The following RIIAD1 variants were observed in gnomAD, a reference collection of about 807,000 sequenced individuals.
RIIAD1 encodes regulatory subunit of type II PKA R-subunit domain containing 1.
A neutral mutation model predicts 13.3 loss-of-function variants in RIIAD1; 15 were observed. The observed-to-expected ratio is 1.13, with a 90% CI of 0.76 to 1.74. The LOEUF (loss-of-function observed/expected upper bound fraction) is 1.74. Among genes scored for constraint, RIIAD1 ranks in the 40% most tolerant of loss-of-function variants. RIIAD1 has a pLI of 0.00. For synonymous variants in RIIAD1, 50 were observed against 43.3 expected (o/e 1.16, Z -0.61); for missense variants, 121 against 112.2 (o/e 1.08, Z -0.35).
At chr1:151,722,465 A>G (rs1673755270) in intron 2 of RIIAD1, among the ~76,000 whole-genome samples, 1 of 152,198 alleles carries the variant, frequency 6.6e-6, no homozygotes, top group Non-Finnish European at 1.5e-5. Context: ...ATTACTGTAG[A>G]AAAATTCCAA....
intron 2 of RIIAD1, chr1:151,713,438 C>T (rs921089832): frequency 6.6e-6 from 1 of 152,262 alleles, no homozygotes; most frequent in Non-Finnish European, 1.5e-5. Flanking sequence ...CTTTATCTAC[C>T]TTTTCCTCTG....
upstream of RIIAD1, among the ~76,000 whole-genome samples, chr1:151,720,958 C>T (rs1395902230): frequency 6.6e-6 from 1 of 152,158 alleles, no homozygotes; most frequent in East Asian, 1.9e-4. Context: ...TTAATCTACA[C>T]AAAAAAGTCA....
At chr1:151,717,372 A>G (rs942736474), upstream of RIIAD1, among the ~76,000 whole-genome samples, 1 of 152,240 alleles carries the variant, frequency 6.6e-6, no homozygotes, top group African/African-American at 2.4e-5. Context: ...ATGCAGAAAG[A>G]GAACTGTATA....
chr1:151,715,492 G>T (rs1299533143), intron 4 of RIIAD1: 2 of 640,466 alleles, frequency 3.1e-6, no homozygotes, highest in South Asian at 3.0e-5. Flanking sequence ...ATTATCTGAG[G>T]CTGCTCAGAT....
chr1:151,728,807 C>T lies in RIIAD1; in HGVS notation c.250C>T (p.Gln84Ter). The T allele has an allele frequency of 1.3e-6, 2 of 1,545,666 alleles. No homozygotes were observed. Among genetic ancestry groups the T allele is most frequent in the East Asian group, 2.4e-5 (1 of 40,888 alleles). Residue 84 changes from glutamine to a stop codon, truncating the protein, a stop_gained, in exon 4 of 5, where the codon CAG (glutamine) becomes TAG (stop). Transcript: ENST00000479191. LOFTEE classifies it high-confidence loss of function. ...DPRLPNKIHM[Q>*]LIKDKKAA ...AAGACTTCCCAACAAGATTCACATG[C>T]AGCTAATTAAAGACAAGAAAGCGGC...
intron 2 of RIIAD1, among the ~76,000 whole-genome samples, chr1:151,712,975 A>G (rs1394130664): frequency 1.3e-5 from 2 of 151,994 alleles, no homozygotes; most frequent in Non-Finnish European, 2.9e-5. Context: ...CTGAGGGGAG[A>G]ATGCAGGTAG....
In RIIAD1 at chr1:151,728,825, A is replaced by C. The variant is rs1260821067; in HGVS notation, c.268A>C (p.Lys90Gln). The C allele has an allele frequency of 6.5e-7, 1 of 1,539,152 alleles. No individual in the cohort carries two copies. The change falls in exon 4 of 5, where the codon AAA becomes CAA. Residue 90 changes from lysine (K) to glutamine (Q), a missense_variant. Lys to Gln is a moderately conservative substitution (Grantham distance 53). Coordinates refer to ENST00000479191, the MANE Select transcript of RIIAD1 (RefSeq NM_001144956.3). ...TCACATGCAGCTAATTAAAGACAAGAAAGCGGCTTAATTAGCAAAATCATG... is the reference window on the plus strand; with the variant it reads ...TCACATGCAGCTAATTAAAGACAAGCAAGCGGCTTAATTAGCAAAATCATG... ...KIHMQLIKDK[K>Q]AA
At chr1:151,720,007 A>G (rs6683687), upstream of RIIAD1, among the ~76,000 whole-genome samples, 59,473 of 152,122 alleles carry the variant, frequency 0.39, 13,224 homozygotes, top group Non-Finnish European at 0.52. Context: ...GTAGCCATAT[A>G]TAAAAGCAAA....
chr1:151,725,391 C>A (rs758319297), intron 2 of RIIAD1, among the ~76,000 whole-genome samples: 7 of 152,146 alleles, frequency 4.6e-5, no homozygotes, highest in Non-Finnish European at 1.0e-4. Flanking sequence ...ATTACAAATA[C>A]AGCAGTAATC....
Position 151,728,803 on chromosome 1 carries a change from C to A in RIIAD1, c.246C>A (p.His82Gln). 6.5e-7 allele frequency: 1 copy of A among 1,546,052 alleles called. No homozygotes were observed. The highest frequency in any genetic ancestry group is 8.8e-7 in the Non-Finnish European group (1 of 1,142,002). ...FTDPRLPNKIHMQLIKDKKAA is the reference protein window; with the variant it reads ...FTDPRLPNKIQMQLIKDKKAA ...ATCCAAGACTTCCCAACAAGATTCACATGCAGCTAATTAAAGACAAGAAAG... is the reference window on the plus strand; with the variant it reads ...ATCCAAGACTTCCCAACAAGATTCAAATGCAGCTAATTAAAGACAAGAAAG... Residue 82 changes from histidine (H) to glutamine (Q), a missense_variant, in exon 4 of 5, where the codon CAC (histidine) becomes CAA (glutamine). His to Gln is a conservative substitution (Grantham distance 24, BLOSUM62 0). Transcript: ENST00000479191.
At chr1:151,716,834 A>G, upstream of RIIAD1, 1 of 245,028 alleles carries the variant, frequency 4.1e-6, no homozygotes, top group Non-Finnish European at 8.8e-6. Context: ...CCCCACTCCC[A>G]CCTCCTTTCC....
intron 1 of RIIAD1, 91 bp from the exon 2 acceptor site, chr1:151,721,995 C>A: frequency 1.1e-6 from 1 of 873,778 alleles, no homozygotes; most frequent in Non-Finnish European, 1.9e-6. Flanking sequence ...GGGTTAAATG[C>A]GCACGCCGTT....
chr1:151,722,444 T>C (rs1421978856), intron 2 of RIIAD1, among the ~76,000 whole-genome samples: 1 of 152,204 alleles, frequency 6.6e-6, no homozygotes, highest in Non-Finnish European at 1.5e-5. Context: ...GGCCCTTCCC[T>C]ACTTGAAAAC....
exon 4 of RIIAD1, chr1:151,714,485 T>C (rs760164494): frequency 1.3e-6 from 1 of 792,444 alleles, no homozygotes; most frequent in South Asian, 1.5e-5. Context: ...GGGGACTTCC[T>C]GGTGATGAGA....
At chr1:151,716,803 C>T (rs1673511402), upstream of RIIAD1, 1 of 466,894 alleles carries the variant, frequency 2.1e-6, no homozygotes, top group Non-Finnish European at 4.4e-6. Context: ...CAACAAAAAC[C>T]TCCCCCCTCC....
upstream of RIIAD1, among the ~76,000 whole-genome samples, chr1:151,721,117 C>T (rs532270682): frequency 1.3e-5 from 2 of 152,054 alleles, no homozygotes; most frequent in Non-Finnish European, 2.9e-5. Flanking sequence ...GCTCCAGTGT[C>T]GAATGTGTAC....
intron 4 of RIIAD1, chr1:151,714,822 G>T: frequency 1.6e-6 from 1 of 643,908 alleles, no homozygotes; most frequent in Non-Finnish European, 2.7e-6. Flanking sequence ...GTGTCTCCAA[G>T]GGGTAGACTC....
chr1:151,729,296 C>T (rs1487446075), intron 4 of RIIAD1, among the ~76,000 whole-genome samples, 192 bp from the exon 5 acceptor site: 3 of 152,068 alleles, frequency 2.0e-5, no homozygotes, highest in Non-Finnish European at 2.9e-5. Flanking sequence ...AGCAGTTTCC[C>T]TCCTTGCTTC....
chr1:151,724,845 G>A (rs1177572470), intron 2 of RIIAD1, among the ~76,000 whole-genome samples: 1 of 151,918 alleles, frequency 6.6e-6, no homozygotes, highest in Non-Finnish European at 1.5e-5. Context: ...TGTCGCTTAG[G>A]CTGGAGTGCA....
Sources: gnomAD v4.1 joint callset for allele counts (sites outside exome capture counted in the v4.1 genomes callset) on GRCh38, gnomAD v4.1.1 for gene constraint, MANE v1.5 for transcripts, NCBI Gene and HGNC (gene_info 2026-07-23, HGNC 2026-07-21) for gene names.